Variants in BIVM observed in about 807,000 individuals in gnomAD.
BIVM encodes basic, immunoglobulin-like variable motif containing.
BIVM carries 31 observed loss-of-function variants against 61.4 expected under a neutral mutation model. That is an observed-to-expected ratio of 0.51 (90% CI 0.38 to 0.68). The LOEUF (loss-of-function observed/expected upper bound fraction) is 0.68, where lower values mean the gene tolerates loss of function less well. Ranked by LOEUF, BIVM falls within the 30% of genes least tolerant of loss-of-function variation. BIVM has a pLI of 0.00. For missense variants in BIVM, 526 were observed against 596.0 expected, an observed-to-expected ratio of 0.88 and a Z score of 1.22; for synonymous variants, 189 against 210.7, an observed-to-expected ratio of 0.90 and a Z score of 0.89.
intron 7 of BIVM, among the ~76,000 whole-genome samples, chr13:102,823,629 C>G (rs1014381483): frequency 2.6e-5 from 4 of 152,170 alleles, no homozygotes; most frequent in African/African-American, 9.7e-5. Flanking sequence ...TGTCACCACA[C>G]TACTCTCAGT....
At chr13:102,821,877 TG>T in intron 6 of BIVM, 30 bp downstream of exon 6, 1 of 1,601,744 alleles carries the variant, frequency 6.2e-7, no homozygotes, top group Non-Finnish European at 8.5e-7. Flanking sequence ...GGCAATATCG[TG>T]TTTCTAGTTT....
intron 3 of BIVM, among the ~76,000 whole-genome samples, chr13:102,809,479 G>C (rs1439863210): frequency 6.6e-6 from 1 of 152,140 alleles, no homozygotes; most frequent in Non-Finnish European, 1.5e-5. Context: ...CAGTCATTGG[G>C]AGTATCTATA....
intron 7 of BIVM, among the ~76,000 whole-genome samples, chr13:102,828,445 T>C (rs963204135): frequency 6.6e-6 from 1 of 152,194 alleles, no homozygotes; most frequent in African/African-American, 2.4e-5. Flanking sequence ...CTGGCCTCAT[T>C]CCTGTATAAC....
At chr13:102,803,631 A>G (rs1878880617) in intron 1 of BIVM, among the ~76,000 whole-genome samples, 1 of 152,122 alleles carries the variant, frequency 6.6e-6, no homozygotes, top group Non-Finnish European at 1.5e-5. Flanking sequence ...TAAAAGGGGC[A>G]GGGCCTGGAA....
intron 10 of BIVM, 39 bp downstream of exon 10, chr13:102,838,778 C>A: frequency 6.3e-7 from 1 of 1,581,600 alleles, no homozygotes; most frequent in Non-Finnish European, 8.6e-7. Flanking sequence ...CATTTCCCAG[C>A]TGACCAAAAT....
In BIVM at chr13:102,831,421, C is replaced by T; in HGVS notation, c.902-144C>T. 4 of 1,279,482 alleles carry T rather than the reference C, an allele frequency of 3.1e-6. 1 individual carries two copies. The highest frequency in any genetic ancestry group is 4.2e-6 in the Non-Finnish European group (4 of 946,014). The allele number at this position is 1,279,482 out of a possible 1,614,324, so 79.3% of individuals were successfully genotyped here. On this transcript the variant is annotated intron_variant, in intron 7 of 10. Coordinates refer to ENST00000257336, the MANE Select transcript of BIVM (RefSeq NM_017693.4). ...ATTTATTAACATTTTTTGTACCTAT[C>T]AATAGCTTCTTGTTTTTCCCCAGCA... is the stretch of plus-strand genomic sequence containing the variant.
At chr13:102,831,918 G>A (rs887531063) in intron 8 of BIVM, among the ~76,000 whole-genome samples, 5 of 149,216 alleles carry the variant, frequency 3.4e-5, no homozygotes, top group African/African-American at 9.9e-5. Context: ...GGTGGCAGGC[G>A]CCTGTAGTCC....
In BIVM at chr13:102,840,875, G is replaced by A. The variant is rs999974230; in HGVS notation, c.*1010G>A. ...TAGGGGTAAAGTAAAAGAACAATTG[G>A]CACCTTAAGTTTCTATACCCAAGGT... is the stretch of plus-strand genomic sequence containing the variant. On this transcript the variant is annotated 3_prime_UTR_variant, in exon 11 of 11. Transcript: ENST00000257336. The A allele has an allele frequency of 6.6e-6, 1 of 152,096 alleles. No homozygotes were observed. 9.4% of individuals were successfully genotyped at this position (152,096 alleles called of 1,614,324 possible).
Position 102,807,849 on chromosome 13 carries a change from A to G in BIVM, c.478+104A>G. ...ACATAGTTTCCTTGTATAATACTAG[A>G]TAAGGAACATGGCTATCATCTTGTC... On this transcript the variant is annotated intron_variant, in intron 3 of 10. Transcript: ENST00000257336. The surrounding 1 kb of genome is among the most constrained non-coding windows in gnomAD (Gnocchi z 4.0). 3.3e-6 allele frequency: 4 copies of G among 1,211,726 alleles called. No individual in the cohort carries two copies. The highest frequency in any genetic ancestry group is 4.5e-6 in the Non-Finnish European group (4 of 885,418). The allele number at this position is 1,211,726 out of a possible 1,614,324, so 75.1% of individuals were successfully genotyped here.
At position 102,814,288 on chromosome 13, in the gene BIVM, G is replaced by A. The variant is rs942576669; in HGVS notation, c.479-2140G>A. On this transcript the variant is annotated intron_variant, in intron 3 of 10. Transcript: ENST00000257336. Reference sequence around the variant, plus strand: ...TCAAACGGCGCTTTCACTTTGATGTGGCTTCTTTCCCTCAAGTCAAATGAA... The same window carrying A: ...TCAAACGGCGCTTTCACTTTGATGTAGCTTCTTTCCCTCAAGTCAAATGAA... 9.9e-5 allele frequency among the ~76,000 whole-genome samples: 15 copies of A among 152,246 alleles called. 1 individual carries two copies. The South Asian group carries it at 2.9e-3, about 29-fold the overall frequency.
intron 3 of BIVM, among the ~76,000 whole-genome samples, chr13:102,810,152 C>T (rs868235291): frequency 2.0e-5 from 3 of 152,328 alleles, no homozygotes; most frequent in Middle Eastern, 6.8e-3. Context: ...TCCCTGGAAA[C>T]CACAATTTTA....
Position 102,799,206 on chromosome 13 carries a change from C to G in BIVM, c.-522C>G, listed in dbSNP as rs759942958. The G allele has an allele frequency of 2.2e-5, 8 of 357,558 alleles. No individual in the cohort carries two copies. The highest frequency in any genetic ancestry group is 4.0e-5 in the Non-Finnish European group (8 of 200,810). The allele number at this position is 357,558 out of a possible 1,614,324, so 22.1% of individuals were successfully genotyped here. A position where few individuals can be genotyped will look rare whatever the true frequency, so the allele number is the denominator to read the frequency against. ...CTTCTCGGTCACCGCTTTCGGGGGA[C>G]AGATAAACACCACAGATGCCCATCA... On this transcript the variant is annotated 5_prime_UTR_variant, in exon 1 of 11. Coordinates refer to ENST00000257336, the MANE Select transcript of BIVM (RefSeq NM_017693.4).
chr13:102,816,648 TCA>T, intron 4 of BIVM, 94 bp downstream of exon 4: 1 of 1,105,204 alleles, frequency 9.0e-7, no homozygotes, highest in South Asian at 3.1e-5. Flanking sequence ...ATTATATGTA[TCA>T]TAAATATTTT....
chr13:102,834,844 G>T (rs529221596), intron 9 of BIVM, among the ~76,000 whole-genome samples: 1 of 152,160 alleles, frequency 6.6e-6, no homozygotes, highest in South Asian at 2.1e-4. Flanking sequence ...AATATCTTAA[G>T]TAACATTTTT....
intron 7 of BIVM, among the ~76,000 whole-genome samples, chr13:102,825,220 C>T (rs1174213192): frequency 6.6e-6 from 1 of 152,126 alleles, no homozygotes; most frequent in Non-Finnish European, 1.5e-5. Flanking sequence ...GCTGGGATTA[C>T]AGGTGTGAAC....
Position 102,840,087 on chromosome 13 carries a change from A to G in BIVM, c.*222A>G. The G allele has an allele frequency of 2.3e-6, 1 of 440,598 alleles. No individual in the cohort carries two copies. The allele number at this position is 440,598 out of a possible 1,614,324, so 27.3% of individuals were successfully genotyped here. Reference sequence around the variant, plus strand: ...CACAGATTATTGTCCTTTCAAGTTAAGAGTATATAATCTGGACAGAAAATT... The same window carrying G: ...CACAGATTATTGTCCTTTCAAGTTAGGAGTATATAATCTGGACAGAAAATT... On this transcript the variant is annotated 3_prime_UTR_variant, in exon 11 of 11. Coordinates refer to ENST00000257336, the MANE Select transcript of BIVM (RefSeq NM_017693.4).
At chr13:102,812,167 C>T (rs965112643) in intron 3 of BIVM, among the ~76,000 whole-genome samples, 3 of 152,110 alleles carry the variant, frequency 2.0e-5, no homozygotes, top group African/African-American at 7.2e-5. Flanking sequence ...CTTTGAATCA[C>T]TCTAGTGAGT....
chr13:102,835,891 G>T (rs892566520), intron 9 of BIVM, among the ~76,000 whole-genome samples: 2 of 152,328 alleles, frequency 1.3e-5, no homozygotes, highest in Admixed American at 6.5e-5. Flanking sequence ...GTAGCATTTT[G>T]TACCTGGCTT....
At chr13:102,818,279 G>A (rs1001518732) in intron 4 of BIVM, among the ~76,000 whole-genome samples, 5 of 152,212 alleles carry the variant, frequency 3.3e-5, no homozygotes, top group Admixed American at 2.0e-4. Flanking sequence ...TTGTATTGAA[G>A]CTGAAGAGTC....
Sources: allele counts gnomAD v4.1 joint callset (sites outside exome capture counted in the v4.1 genomes callset), GRCh38; gene constraint gnomAD v4.1.1; non-coding constraint Gnocchi (gnomAD v3.1); transcripts MANE v1.5; gene names NCBI Gene and HGNC (gene_info 2026-07-23, HGNC 2026-07-21).